Variants in PLPPR1 observed in about 807,000 individuals in gnomAD.
PLPPR1 encodes the protein phospholipid phosphatase-related protein type 1.
Under a neutral mutation model 33.1 loss-of-function variants are expected in PLPPR1, and 10 were observed. The observed-to-expected ratio is 0.30, with a 90% CI of 0.19 to 0.51. The LOEUF is 0.51. Ranked by LOEUF, PLPPR1 falls within the 20% of genes least tolerant of loss-of-function variation. The pLI is 0.97. For synonymous variants in PLPPR1, 151 were observed against 151.0 expected (o/e 1.00, Z 0.00); for missense variants, 304 against 408.1 (o/e 0.74, Z 2.20).
At chr9:101,264,357 C>A (rs1827949108) in intron 2 of PLPPR1, among the ~76,000 whole-genome samples, 1 of 152,090 alleles carries the variant, frequency 6.6e-6, no homozygotes, top group African/African-American at 2.4e-5. Context: ...AAAACCAATA[C>A]CCTAAGCAGA....
At position 101,107,894 on chromosome 9, in the gene PLPPR1, T is replaced by C. The variant is rs1046136857; in HGVS notation, c.-45-77556T>C. On this transcript the variant is annotated intron_variant, in intron 1 of 7. Coordinates refer to ENST00000374874, the MANE Select transcript of PLPPR1 (RefSeq NM_207299.2). ...CGGTCTGAAAAGCACAATATTCGGG[T>C]GGGAGTGACCCGATTTTCCAGGTGC... Among the ~76,000 whole-genome samples the C allele has an allele frequency of 4.6e-5, 7 of 151,352 alleles. 1 individual carries two copies. Among genetic ancestry groups the C allele is most frequent in the African/African-American group, 1.7e-4 (7 of 40,812 alleles).
intron 1 of PLPPR1, among the ~76,000 whole-genome samples, chr9:101,080,433 G>A (rs1462340645): frequency 1.3e-5 from 2 of 152,086 alleles, no homozygotes; most frequent in Non-Finnish European, 2.9e-5. Flanking sequence ...AGAATTGCCA[G>A]AGCCTGGGGA....
At chr9:101,038,242 C>T (rs1055094672) in intron 1 of PLPPR1, among the ~76,000 whole-genome samples, 1 of 152,032 alleles carries the variant, frequency 6.6e-6, no homozygotes, top group Non-Finnish European at 1.5e-5. Context: ...AAATATTACT[C>T]TTATATGAAA....
At chr9:101,253,782 C>T (rs1050587918) in intron 2 of PLPPR1, among the ~76,000 whole-genome samples, 1 of 152,054 alleles carries the variant, frequency 6.6e-6, no homozygotes, top group East Asian at 1.9e-4. Context: ...TTATACTGCC[C>T]AGTATGTGGT....
intron 2 of PLPPR1, among the ~76,000 whole-genome samples, chr9:101,249,754 A>G (rs1439067600): frequency 6.6e-6 from 1 of 152,100 alleles, no homozygotes; most frequent in Non-Finnish European, 1.5e-5. Context: ...ACAAATACCC[A>G]ACATAGGAAT....
At chr9:101,044,800 T>C (rs904386997) in intron 1 of PLPPR1, among the ~76,000 whole-genome samples, 1 of 152,168 alleles carries the variant, frequency 6.6e-6, no homozygotes, top group Admixed American at 6.5e-5. Context: ...TTGATGTGTC[T>C]AGGAAGTGTT....
chr9:101,151,274 A>G (rs1346910485), intron 1 of PLPPR1, among the ~76,000 whole-genome samples: 2 of 152,132 alleles, frequency 1.3e-5, no homozygotes, highest in Non-Finnish European at 2.9e-5. Context: ...ATGGTGGAAA[A>G]ACAACTTTAA....
At chr9:101,085,546 C>G (rs1830665350) in intron 1 of PLPPR1, among the ~76,000 whole-genome samples, 1 of 151,876 alleles carries the variant, frequency 6.6e-6, no homozygotes, top group Non-Finnish European at 1.5e-5. Context: ...GTCTTAGAAA[C>G]AAACATTGGG....
chr9:101,117,085 G>T (rs1029073654), intron 1 of PLPPR1, among the ~76,000 whole-genome samples: 1 of 152,088 alleles, frequency 6.6e-6, no homozygotes, highest in East Asian at 1.9e-4. Flanking sequence ...AGGATTAAGG[G>T]TTCTCTTATA....
At chr9:101,288,763 CGCAAGTCATCCA>C (rs1828440533) in intron 4 of PLPPR1, among the ~76,000 whole-genome samples, 2 of 152,070 alleles carry the variant, frequency 1.3e-5, no homozygotes, top group African/African-American at 2.4e-5. Flanking sequence ...TTTGTGTTTT[CGCAAGTCATCCA>C]GGTGATTCTG....
intron 1 of PLPPR1, among the ~76,000 whole-genome samples, chr9:101,126,584 T>C (rs1333586640): frequency 6.6e-6 from 1 of 152,230 alleles, no homozygotes; most frequent in Admixed American, 6.5e-5. Flanking sequence ...CCACTGGGTC[T>C]TAGCACTACC....
intron 3 of PLPPR1, among the ~76,000 whole-genome samples, chr9:101,283,554 G>A (rs540449158): frequency 9.9e-5 from 15 of 152,182 alleles, no homozygotes; most frequent in African/African-American, 3.1e-4. Flanking sequence ...AAGCAATGAG[G>A]TCTTACATAG....
chr9:101,219,105 A>G (rs1826868263), intron 2 of PLPPR1, among the ~76,000 whole-genome samples: 1 of 152,200 alleles, frequency 6.6e-6, no homozygotes, highest in African/African-American at 2.4e-5. Context: ...CCTACTGTGA[A>G]AGGGGAAGAG....
chr9:101,319,718 A>G (rs1829119362), intron 7 of PLPPR1, among the ~76,000 whole-genome samples: 1 of 152,232 alleles, frequency 6.6e-6, no homozygotes. Flanking sequence ...GTGAAATAGA[A>G]TCTCTCTAAC....
intron 1 of PLPPR1, among the ~76,000 whole-genome samples, chr9:101,110,487 C>T (rs1588032618): frequency 6.6e-6 from 1 of 152,066 alleles, no homozygotes; most frequent in South Asian, 2.1e-4. Flanking sequence ...GCAAAATACA[C>T]GTAGAAGAAT....
At chr9:101,299,234 G>A (rs558062184) in intron 4 of PLPPR1, among the ~76,000 whole-genome samples, 36 of 152,252 alleles carry the variant, frequency 2.4e-4, no homozygotes, top group African/African-American at 7.7e-4. Flanking sequence ...GAATCTTCAG[G>A]GAACAAAATG....
At chr9:101,106,035 A>G (rs1404350038) in intron 1 of PLPPR1, among the ~76,000 whole-genome samples, 10 of 150,874 alleles carry the variant, frequency 6.6e-5, no homozygotes. Context: ...TTTTGAGCCT[A>G]TGTGTGTCTC....
chr9:101,236,151 T>A (rs1380347708), intron 2 of PLPPR1, among the ~76,000 whole-genome samples: 1 of 151,704 alleles, frequency 6.6e-6, no homozygotes, highest in Non-Finnish European at 1.5e-5. Context: ...ATCAAGTAAT[T>A]GCCAGGGTTG....
chr9:101,272,808 T>C (rs561113004), intron 3 of PLPPR1, among the ~76,000 whole-genome samples: 2 of 152,326 alleles, frequency 1.3e-5, no homozygotes, highest in South Asian at 4.1e-4. Flanking sequence ...GTAGAGACTT[T>C]CATGTAATTC....
Sources: allele counts gnomAD v4.1 joint callset (sites outside exome capture counted in the v4.1 genomes callset), GRCh38; gene constraint gnomAD v4.1.1; transcripts MANE v1.5; gene names NCBI Gene and HGNC (gene_info 2026-07-23, HGNC 2026-07-21).